DNAH17: variants seen among roughly 807,000 people sequenced by gnomAD.
DNAH17 encodes the protein dynein axonemal heavy chain 17, also known as axonemal beta dynein heavy chain 17.
In DNAH17, 376 loss-of-function variants were observed where a neutral mutation model predicts 485.6. That is an observed-to-expected ratio of 0.77 (90% CI 0.71 to 0.84). DNAH17 has a LOEUF of 0.84. Among genes scored for constraint, DNAH17 ranks in the 40% least tolerant of loss-of-function variants. DNAH17 has a pLI of 0.00. For missense variants in DNAH17, 6,370 were observed against 5,839.3 expected (o/e 1.09, Z -2.96); for synonymous variants, 3,031 against 2,405.9 (o/e 1.26, Z -7.60).
At position 78,574,806 on chromosome 17, in the gene DNAH17, G is replaced by C. The variant is rs772157563; in HGVS notation, c.252C>G (p.Ser84=). The part of the protein sequence containing the change: ...SKGVYFIKTK[S]ENINKDNYRA... ...TGTAGTTGTCCTTGTTGATGTTCTC[G>C]GACTTTGTCTTGATGAAGTAAACCC... Residue 84 remains serine (S), a synonymous_variant, in exon 2 of 81, where the codon TCC becomes TCG. Transcript: ENST00000389840. The C allele has an allele frequency of 1.9e-6, 3 of 1,614,000 alleles. No individual in the cohort carries two copies. Among genetic ancestry groups the C allele is most frequent in the East Asian group, 2.2e-5 (1 of 44,880 alleles).
At chr17:78,458,816 T>TG (rs1448615514) in intron 61 of DNAH17, 136 bp from the exon 62 acceptor site, 18 of 1,040,044 alleles carry the variant, frequency 1.7e-5, no homozygotes, top group Non-Finnish European at 2.0e-5. Context: ...CTCTGGAGCA[T>TG]GGAGGCTAAG....
chr17:78,530,902 A>C (rs1337435527), intron 20 of DNAH17, among the ~76,000 whole-genome samples: 2 of 152,140 alleles, frequency 1.3e-5, no homozygotes, highest in Admixed American at 6.5e-5. Flanking sequence ...GTGCTACAGA[A>C]TGTACCCCTG....
chr17:78,507,167 G>T (rs2090508069), intron 29 of DNAH17, 111 bp downstream of exon 29: 6 of 1,258,706 alleles, frequency 4.8e-6, no homozygotes, highest in Non-Finnish European at 6.6e-6. Flanking sequence ...AGGACCCATG[G>T]TTTTGCCCTG....
Position 78,445,770 on chromosome 17 carries a change from C to T in DNAH17, c.11212-90G>A, listed in dbSNP as rs532339146. 17 of 1,440,160 alleles carry T rather than the reference C, an allele frequency of 1.2e-5. No individual in the cohort carries two copies. In the East Asian group the frequency reaches 3.7e-4, roughly 32 times the overall value. 89.2% of individuals were successfully genotyped at this position (1,440,160 alleles called of 1,614,324 possible). On this transcript the variant is annotated intron_variant, in intron 69 of 80. Coordinates refer to ENST00000389840, the MANE Select transcript of DNAH17 (RefSeq NM_173628.4). ...CGCGCTGGACTCGAAGAGGAGTTCA[C>T]ACTCCCGGCCTGCAGGGGGCGCCCT...
intron 54 of DNAH17, among the ~76,000 whole-genome samples, chr17:78,473,951 G>A (rs943534518): frequency 6.6e-6 from 1 of 152,206 alleles, no homozygotes; most frequent in Non-Finnish European, 1.5e-5. Context: ...CAGAGGACAG[G>A]GCTGTGTTCA....
At chr17:78,473,629 A>AG (rs559677281) in intron 54 of DNAH17, among the ~76,000 whole-genome samples, 11 of 151,730 alleles carry the variant, frequency 7.2e-5, no homozygotes, top group African/African-American at 2.7e-4. Context: ...TCCACAGCCC[A>AG]GATCACAGAG....
In DNAH17 at chr17:78,532,597, T is replaced by C. The variant is rs768200981; in HGVS notation, c.2999A>G (p.Glu1000Gly). The change falls in exon 20 of 81, where the codon GAG (glutamate) becomes GGG (glycine). Residue 1000 changes from glutamate (E) to glycine (G), a missense_variant. Coordinates refer to ENST00000389840, the MANE Select transcript of DNAH17 (RefSeq NM_173628.4). ...ATATATCAGGAAATTCTTCATAAACTCCTGCAGGTTGTCCGTCCAGAGGTA... is the reference window on the plus strand; with the variant it reads ...ATATATCAGGAAATTCTTCATAAACCCCTGCAGGTTGTCCGTCCAGAGGTA... ...YSYLWTDNLQ[E>G]FMKNFLIYGC... The C allele has an allele frequency of 9.9e-6, 16 of 1,608,048 alleles. No homozygotes were observed. Among genetic ancestry groups the C allele is most frequent in the Non-Finnish European group, 1.3e-5 (15 of 1,177,218 alleles).
At chr17:78,545,918 G>GTGTA (rs1404626402) in intron 16 of DNAH17, among the ~76,000 whole-genome samples, 1 of 152,026 alleles carries the variant, frequency 6.6e-6, no homozygotes, top group Non-Finnish European at 1.5e-5. Context: ...AATATTTTAT[G>GTGTA]TGTATGTATG....
intron 48 of DNAH17, 129 bp downstream of exon 48, chr17:78,484,739 A>ACCCCCCTTCCCCCCCCCCCCCCCCCCC: frequency 5.8e-6 from 2 of 347,798 alleles, no homozygotes; most frequent in South Asian, 4.2e-5. Flanking sequence ...ACGTTGCAGC[A>ACCCCCCTTCCCCCCCCCCCCCCCCCCC]CCCCCCCCAC....
At chr17:78,486,182 G>A (rs757665457) in intron 45 of DNAH17, 42 bp downstream of exon 45, 1 of 1,595,526 alleles carries the variant, frequency 6.3e-7, no homozygotes, top group South Asian at 1.1e-5. Flanking sequence ...GCAGGATGCT[G>A]AGAGACCCTG....
At chr17:78,536,907 G>A (rs2091389386) in intron 19 of DNAH17, among the ~76,000 whole-genome samples, 1 of 152,076 alleles carries the variant, frequency 6.6e-6, no homozygotes, top group South Asian at 2.1e-4. Flanking sequence ...CGGGCGCGGT[G>A]GCTCACGCCT....
intron 39 of DNAH17, 22 bp downstream of exon 39, chr17:78,494,937 G>C: frequency 6.2e-7 from 1 of 1,601,176 alleles, no homozygotes; most frequent in Non-Finnish European, 8.5e-7. Flanking sequence ...CACACCCGCC[G>C]TGAGCTCCAG....
intron 45 of DNAH17, 27 bp downstream of exon 45, chr17:78,486,197 G>T (rs369938065): frequency 1.5e-5 from 24 of 1,588,766 alleles, no homozygotes; most frequent in Non-Finnish European, 2.1e-5. Flanking sequence ...ACCCTGTGTG[G>T]GTGGCCGGGC....
chr17:78,460,418 ATGTG>A (rs2146530861), intron 58 of DNAH17, among the ~76,000 whole-genome samples, 161 bp from the exon 59 acceptor site: 1 of 152,156 alleles, frequency 6.6e-6, no homozygotes, highest in East Asian at 1.9e-4. Flanking sequence ...GTGTGCATGT[ATGTG>A]TATGTGCATC....
At chr17:78,476,231 C>T (rs528661446) in intron 52 of DNAH17, among the ~76,000 whole-genome samples, 9 of 128,974 alleles carry the variant, frequency 7.0e-5, no homozygotes, top group African/African-American at 2.3e-4. Context: ...GGAGTTATCG[C>T]GTGGAACCCT....
At chr17:78,479,373 A>G in intron 50 of DNAH17, 112 bp downstream of exon 50, 1 of 1,317,936 alleles carries the variant, frequency 7.6e-7, no homozygotes, top group South Asian at 1.6e-5. Flanking sequence ...TTTTTAAGAT[A>G]TTGATTTAGA....
chr17:78,467,244 G>A (rs968279990), intron 55 of DNAH17, among the ~76,000 whole-genome samples: 5 of 152,248 alleles, frequency 3.3e-5, no homozygotes, highest in Admixed American at 1.3e-4. Flanking sequence ...GCTGGAGAAG[G>A]TGCTGTGGAG....
At position 78,543,974 on chromosome 17, in the gene DNAH17, A is replaced by G; in HGVS notation, c.2415T>C (p.Phe805=). The change falls in exon 17 of 81, where the codon TTT becomes TTC. Residue 805 remains phenylalanine (F), a synonymous_variant. Coordinates refer to ENST00000389840, the MANE Select transcript of DNAH17 (RefSeq NM_173628.4). ...CCTCTTTCTTATTGTCCTTTCTTTCAAACAGCGGGTTGGCCGACCAGTCCT... is the reference window on the plus strand; with the variant it reads ...CCTCTTTCTTATTGTCCTTTCTTTCGAACAGCGGGTTGGCCGACCAGTCCT... ...AMKDWSANPL[F]ERKDNKKEAL... is the part of the protein sequence containing the mutation. 1 of 1,613,982 alleles carries G rather than the reference A, an allele frequency of 6.2e-7. No homozygotes were observed. Among genetic ancestry groups the G allele is most frequent in the Non-Finnish European group, 8.5e-7 (1 of 1,179,888 alleles).
chr17:78,571,821 C>G, intron 3 of DNAH17, 39 bp from the exon 4 acceptor site: 1 of 1,534,468 alleles, frequency 6.5e-7, no homozygotes, highest in Non-Finnish European at 8.8e-7. Context: ...CTCATGGCGA[C>G]ACACACGTGG....
Sources: gnomAD v4.1 joint callset for allele counts (sites outside exome capture counted in the v4.1 genomes callset) on GRCh38, gnomAD v4.1.1 for gene constraint, MANE v1.5 for transcripts, NCBI Gene and HGNC (gene_info 2026-07-23, HGNC 2026-07-21) for gene names.